TG: variants seen among roughly 807,000 people sequenced by gnomAD.
TG encodes thyroid hormones.
In TG, 270 loss-of-function variants were observed where a neutral mutation model predicts 324.7. That is an observed-to-expected ratio of 0.83 (90% CI 0.75 to 0.92). TG has a LOEUF of 0.92. TG is among the 40% of genes least tolerant of loss of function. The probability of loss-of-function intolerance (pLI) is 0.00; values close to 1 mark genes in which losing one functional copy is unlikely to be tolerated. For synonymous variants in TG, 1,401 were observed against 1,327.0 expected, an observed-to-expected ratio of 1.06 and a Z score of -1.21; for missense variants, 3,591 against 3,456.4, an observed-to-expected ratio of 1.04 and a Z score of -0.98.
chr8:132,867,581 G>A (rs535174962), intron 1 of TG, among the ~76,000 whole-genome samples: 4 of 150,124 alleles, frequency 2.7e-5, no homozygotes, highest in Non-Finnish European at 5.9e-5. Flanking sequence ...CTCATGATGC[G>A]GTTGTGATTT....
intron 25 of TG, among the ~76,000 whole-genome samples, chr8:132,939,660 G>A (rs902124079): frequency 3.7e-5 from 5 of 134,422 alleles, no homozygotes; most frequent in Non-Finnish European, 6.4e-5. Context: ...TATAGTCTAT[G>A]GGGTTTTTTT....
At chr8:133,115,657 G>A (rs2131771530) in intron 44 of TG, among the ~76,000 whole-genome samples, 1 of 152,354 alleles carries the variant, frequency 6.6e-6, no homozygotes, top group Middle Eastern at 3.4e-3. Flanking sequence ...CAGCTGGGAA[G>A]ACAGAGATTC....
intron 16 of TG, among the ~76,000 whole-genome samples, chr8:132,903,915 T>A (rs1818298135): frequency 1.3e-5 from 2 of 152,238 alleles, no homozygotes; most frequent in Non-Finnish European, 1.5e-5. Context: ...CTGTAAACTG[T>A]TGAGCACTGG....
intron 16 of TG, among the ~76,000 whole-genome samples, chr8:132,905,789 CA>C (rs972226696): frequency 6.6e-6 from 1 of 151,318 alleles, no homozygotes; most frequent in Admixed American, 6.6e-5. Flanking sequence ...CCTGGGAATT[CA>C]AAAAAAAGAA....
chr8:133,004,788 C>T (rs528796777), intron 35 of TG, among the ~76,000 whole-genome samples: 39 of 152,184 alleles, frequency 2.6e-4, no homozygotes, highest in African/African-American at 6.7e-4. Context: ...TGACCAGATG[C>T]GGATGTTAGA....
At chr8:132,937,508 C>T (rs899014381) in intron 25 of TG, among the ~76,000 whole-genome samples, 2 of 144,372 alleles carry the variant, frequency 1.4e-5, no homozygotes, top group Admixed American at 6.7e-5. Context: ...ACTCGGATCT[C>T]TCTAATCTAG....
chr8:132,932,730 C>T (rs1183869286), intron 23 of TG, among the ~76,000 whole-genome samples: 6 of 152,160 alleles, frequency 3.9e-5, no homozygotes, highest in African/African-American at 1.2e-4. Flanking sequence ...CCTCATTAAG[C>T]GCATGGCCTC....
chr8:132,916,703 A>G (rs532719905), intron 20 of TG, among the ~76,000 whole-genome samples: 8 of 152,286 alleles, frequency 5.3e-5, no homozygotes, highest in African/African-American at 1.9e-4. Context: ...TGCAGCCCTG[A>G]TGGAGTCAGT....
At chr8:132,925,516 C>CGTGCGTGTGT (rs1554670096) in intron 22 of TG, among the ~76,000 whole-genome samples, 23 of 144,824 alleles carry the variant, frequency 1.6e-4, no homozygotes, top group East Asian at 1.0e-3. Flanking sequence ...CTAAGGAGTG[C>CGTGCGTGTGT]GTGTGTGTGT....
At chr8:133,101,693 C>T (rs1318149211) in intron 43 of TG, among the ~76,000 whole-genome samples, 2 of 152,202 alleles carry the variant, frequency 1.3e-5, no homozygotes, top group Non-Finnish European at 2.9e-5. Flanking sequence ...AATTGAATTC[C>T]TCCCCTCAGA....
intron 36 of TG, among the ~76,000 whole-genome samples, chr8:133,013,086 A>G (rs976691263): frequency 6.6e-6 from 1 of 152,256 alleles, no homozygotes; most frequent in Non-Finnish European, 1.5e-5. Flanking sequence ...CCATGGAGAT[A>G]TATTAAGCAG....
chr8:132,876,167 G>A (rs570849791), intron 5 of TG, among the ~76,000 whole-genome samples: 1 of 152,260 alleles, frequency 6.6e-6, no homozygotes, highest in African/African-American at 2.4e-5. Context: ...GCAGCCCTCC[G>A]AGTTTGGAGG....
intron 5 of TG, among the ~76,000 whole-genome samples, chr8:132,878,460 C>A (rs1181964664): frequency 6.6e-6 from 1 of 151,822 alleles, no homozygotes; most frequent in Non-Finnish European, 1.5e-5. Context: ...ACTAAAAATA[C>A]AAAAAATTAG....
At chr8:133,043,861 A>ATC (rs1838787681) in intron 41 of TG, among the ~76,000 whole-genome samples, 2 of 152,200 alleles carry the variant, frequency 1.3e-5, no homozygotes, top group Non-Finnish European at 2.9e-5. Context: ...AGAAGGGGGA[A>ATC]GATGCTGTCA....
chr8:133,131,430 C>T (rs899251688), intron 45 of TG, among the ~76,000 whole-genome samples: 2 of 152,222 alleles, frequency 1.3e-5, no homozygotes, highest in Non-Finnish European at 2.9e-5. Flanking sequence ...GGCTCAAATA[C>T]AAGCTACTTT....
intron 41 of TG, among the ~76,000 whole-genome samples, chr8:133,080,505 C>T (rs1845585361): frequency 6.6e-6 from 1 of 152,168 alleles, no homozygotes; most frequent in South Asian, 2.1e-4. Flanking sequence ...ATGCTCCCTT[C>T]CCATCCTCTT....
intron 35 of TG, 175 bp downstream of exon 35, chr8:132,983,587 C>A: frequency 1.5e-6 from 1 of 679,420 alleles, no homozygotes; most frequent in Non-Finnish European, 2.6e-6. Context: ...AACATGCCCA[C>A]TTTGCAGATG....
rs1839298509 is a variant in TG at position 132,869,709 on chromosome 8, G to T, written c.177-20G>T. On this transcript the variant is annotated intron_variant, in intron 2 of 47. Transcript: ENST00000220616. ...TTGGGGGCCCATCCCAGGGTCACCT[G>T]GTCTGTGTCTCCTCCTCAGGACTGT... 4 of 1,612,126 alleles carry T rather than the reference G, an allele frequency of 2.5e-6. No homozygotes were observed. The highest frequency in any genetic ancestry group is 3.4e-6 in the Non-Finnish European group (4 of 1,178,160).
intron 11 of TG, among the ~76,000 whole-genome samples, chr8:132,896,572 C>A (rs752867033): frequency 1.3e-5 from 2 of 152,144 alleles, no homozygotes; most frequent in African/African-American, 2.4e-5. Context: ...AGAGCTCAGG[C>A]GACAGTTCAT....
Sources: gnomAD v4.1 joint callset for allele counts (sites outside exome capture counted in the v4.1 genomes callset) on GRCh38, gnomAD v4.1.1 for gene constraint, MANE v1.5 for transcripts, NCBI Gene and HGNC (gene_info 2026-07-23, HGNC 2026-07-21) for gene names.